UNC79: variants seen among roughly 807,000 people sequenced by gnomAD.
UNC79 encodes the protein protein unc-79 homolog.
Under a neutral mutation model 283.1 loss-of-function variants are expected in UNC79, and 37 were observed. The observed-to-expected ratio is 0.13, with a 90% CI of 0.10 to 0.17. The LOEUF (loss-of-function observed/expected upper bound fraction) is 0.17, where lower values mean the gene tolerates loss of function less well. Ranked by LOEUF, UNC79 falls within the 10% of genes least tolerant of loss-of-function variation. The pLI, the probability that UNC79 is intolerant of heterozygous loss-of-function variation, is 1.00. For synonymous variants in UNC79, 1,107 were observed against 1,200.2 expected, an observed-to-expected ratio of 0.92 and a Z score of 1.61; for missense variants, 2,272 against 3,211.1, an observed-to-expected ratio of 0.71 and a Z score of 7.07.
At chr14:93,477,619 T>C in exon 4 of UNC79, 1 of 1,612,526 alleles carries the variant, frequency 6.2e-7, no homozygotes, top group Non-Finnish European at 8.5e-7. Flanking sequence ...ATGATGATAT[T>C]CTGAGTACTT....
intron 5 of UNC79, among the ~76,000 whole-genome samples, chr14:93,490,436 A>T (rs2058668010): frequency 6.6e-6 from 1 of 152,158 alleles, no homozygotes; most frequent in South Asian, 2.1e-4. Flanking sequence ...TTATTACAGT[A>T]TAAGCAGTCA....
intron 1 of UNC79, among the ~76,000 whole-genome samples, chr14:93,339,460 C>T (rs1036128666): frequency 2.0e-5 from 3 of 152,034 alleles, no homozygotes; most frequent in South Asian, 2.1e-4. Flanking sequence ...CCACCACGCC[C>T]GGCTAATTTT....
At chr14:93,338,698 A>G (rs1260637761) in intron 1 of UNC79, among the ~76,000 whole-genome samples, 1 of 152,088 alleles carries the variant, frequency 6.6e-6, no homozygotes, top group South Asian at 2.1e-4. Flanking sequence ...CTTGAGCCCA[A>G]GGGTTCAAGA....
At chr14:93,420,695 C>T (rs749909235) in intron 1 of UNC79, among the ~76,000 whole-genome samples, 2 of 151,534 alleles carry the variant, frequency 1.3e-5, no homozygotes, top group Admixed American at 6.6e-5. Context: ...CATGGATAGA[C>T]CATATATTAG....
At chr14:93,562,915 G>A (rs1470657648) in intron 14 of UNC79, among the ~76,000 whole-genome samples, 1 of 152,168 alleles carries the variant, frequency 6.6e-6, no homozygotes, top group African/African-American at 2.4e-5. Flanking sequence ...GATGTGAAGG[G>A]AAGGGAGGGG....
intron 7 of UNC79, among the ~76,000 whole-genome samples, chr14:93,517,130 C>A (rs2060100844): frequency 6.9e-6 from 1 of 144,924 alleles, no homozygotes; most frequent in African/African-American, 2.5e-5. Context: ...AATTTTTTTT[C>A]TTTTCTTTCT....
At chr14:93,441,659 CCTT>C (rs1322149248) in intron 1 of UNC79, among the ~76,000 whole-genome samples, 2 of 152,060 alleles carry the variant, frequency 1.3e-5, no homozygotes, top group African/African-American at 4.8e-5. Flanking sequence ...TCTCTACCCT[CCTT>C]CTAACCCAGT....
At chr14:93,528,872 C>T (rs556844184) in intron 9 of UNC79, among the ~76,000 whole-genome samples, 44 of 152,186 alleles carry the variant, frequency 2.9e-4, no homozygotes, top group African/African-American at 9.6e-4. Flanking sequence ...GAAGGCAATT[C>T]CATTTAATAA....
chr14:93,604,270 A>G (rs2065727213), intron 26 of UNC79, among the ~76,000 whole-genome samples: 1 of 152,222 alleles, frequency 6.6e-6, no homozygotes, highest in Non-Finnish European at 1.5e-5. Flanking sequence ...TTATCCTGTC[A>G]GAAGTTGAAA....
Position 93,613,477 on chromosome 14 carries a change from G to A in UNC79, c.4041+394G>A, listed in dbSNP as rs942550050. Among the ~76,000 whole-genome samples the A allele has an allele frequency of 9.6e-5, 8 of 83,696 alleles. No homozygotes were observed. The South Asian group carries it at 1.5e-3, about 16-fold the overall frequency. The allele number at this position is 83,696 out of a possible 152,430, so 54.9% of individuals were successfully genotyped here. A position where few individuals can be genotyped will look rare whatever the true frequency, so the allele number is the denominator to read the frequency against. ...GTTGCCCAGGCTGGAGTGCAGTGGC[G>A]TGATCTCAGCTCGCTGCAAGTCCGC... On this transcript the variant is annotated intron_variant, in intron 27 of 48. Transcript: ENST00000555664.
At chr14:93,516,358 T>A (rs536872061) in intron 7 of UNC79, among the ~76,000 whole-genome samples, 1 of 151,526 alleles carries the variant, frequency 6.6e-6, no homozygotes, top group Non-Finnish European at 1.5e-5. Flanking sequence ...TTTTAAAGAA[T>A]TTTTTGGGCT....
At chr14:93,376,516 G>A (rs2054562833) in intron 1 of UNC79, among the ~76,000 whole-genome samples, 1 of 152,154 alleles carries the variant, frequency 6.6e-6, no homozygotes, top group South Asian at 2.1e-4. Context: ...AGCTATGTGT[G>A]TGTGTATGTG....
chr14:93,581,206 G>A (rs1410463534), intron 19 of UNC79, among the ~76,000 whole-genome samples: 1 of 151,670 alleles, frequency 6.6e-6, no homozygotes, highest in African/African-American at 2.4e-5. Context: ...TTTAGAGATA[G>A]GGTCTTGCTC....
At chr14:93,376,913 T>G (rs1186327224) in intron 1 of UNC79, among the ~76,000 whole-genome samples, 1 of 148,570 alleles carries the variant, frequency 6.7e-6, no homozygotes, top group Non-Finnish European at 1.5e-5. Context: ...TTATATATAT[T>G]ATAGCTTTCT....
At chr14:93,581,973 A>G (rs2063851964) in intron 19 of UNC79, among the ~76,000 whole-genome samples, 1 of 152,196 alleles carries the variant, frequency 6.6e-6, no homozygotes, top group Non-Finnish European at 1.5e-5. Flanking sequence ...CTTCTTCTAT[A>G]TATATTTGAA....
At chr14:93,399,951 T>C (rs549852147) in intron 1 of UNC79, among the ~76,000 whole-genome samples, 2 of 152,302 alleles carry the variant, frequency 1.3e-5, no homozygotes, top group South Asian at 2.1e-4. Context: ...CCGCCTGAGA[T>C]AGAACCTGGA....
intron 14 of UNC79, among the ~76,000 whole-genome samples, chr14:93,559,964 C>T (rs1053980721): frequency 7.9e-5 from 12 of 151,662 alleles, no homozygotes; most frequent in South Asian, 2.1e-4. Flanking sequence ...GTGCTTCAAG[C>T]GGGATTAGGG....
chr14:93,533,678 G>GT (rs1215032995), intron 11 of UNC79, among the ~76,000 whole-genome samples: 1 of 152,196 alleles, frequency 6.6e-6, no homozygotes, highest in East Asian at 1.9e-4. Flanking sequence ...CCTCTCAGAA[G>GT]TCACACAGCA....
chr14:93,679,352 G>C (rs1453967279), intron 41 of UNC79, among the ~76,000 whole-genome samples: 2 of 152,102 alleles, frequency 1.3e-5, no homozygotes, highest in Non-Finnish European at 2.9e-5. Flanking sequence ...CCAGCTACTC[G>C]GGAGGCTGAG....
Sources: allele counts gnomAD v4.1 joint callset (sites outside exome capture counted in the v4.1 genomes callset), GRCh38; gene constraint gnomAD v4.1.1; transcripts MANE v1.5; gene names NCBI Gene and HGNC (gene_info 2026-07-23, HGNC 2026-07-21).